The following CTNNA3 variants were observed in gnomAD, a reference collection of about 807,000 sequenced individuals.
CTNNA3 encodes catenin alpha-3.
CTNNA3 carries 76 observed loss-of-function variants against 95.7 expected under a neutral mutation model. That is an observed-to-expected ratio of 0.79 (90% CI 0.66 to 0.96). The LOEUF is 0.96. Among genes scored for constraint, CTNNA3 ranks in the 40% least tolerant of loss-of-function variants. The pLI is 0.00. For missense variants in CTNNA3, 1,191 were observed against 1,089.8 expected (o/e 1.09, Z -1.31); for synonymous variants, 431 against 374.4 (o/e 1.15, Z -1.74).
At chr10:66,324,741 C>G (rs2092232870) in intron 12 of CTNNA3, among the ~76,000 whole-genome samples, 1 of 152,016 alleles carries the variant, frequency 6.6e-6, no homozygotes, top group Non-Finnish European at 1.5e-5. Context: ...CTCTGAGAAG[C>G]CATCATTTAA....
In CTNNA3 at chr10:66,893,112, C is replaced by T. The variant is rs370797089; in HGVS notation, c.1048-117588G>A. On this transcript the variant is annotated intron_variant, in intron 7 of 17. Transcript: ENST00000433211. ...TATATTTATAAATGATCTTAGCTCACGAAGCCATGGCATTAAATTTACATT... is the reference window on the plus strand; with the variant it reads ...TATATTTATAAATGATCTTAGCTCATGAAGCCATGGCATTAAATTTACATT... 1.4e-4 allele frequency among the ~76,000 whole-genome samples: 21 copies of T among 152,122 alleles called. No individual in the cohort carries two copies. The East Asian group carries it at 1.7e-3, about 13-fold the overall frequency.
chr10:66,769,905 TC>T (rs1437368554), intron 8 of CTNNA3, among the ~76,000 whole-genome samples: 1 of 152,182 alleles, frequency 6.6e-6, no homozygotes, highest in Non-Finnish European at 1.5e-5. Context: ...AGGAATCACC[TC>T]CTAAATAAAT....
chr10:67,485,074 C>T (rs1848391300), intron 5 of CTNNA3, among the ~76,000 whole-genome samples: 1 of 152,128 alleles, frequency 6.6e-6, no homozygotes, highest in Admixed American at 6.6e-5. Context: ...ACATAGATGC[C>T]CATCAGTGGT....
chr10:66,163,123 C>T lies in CTNNA3; in HGVS notation c.1885-59874G>A, dbSNP rs901073973. Among the ~76,000 whole-genome samples, 6 of 152,186 alleles carry T rather than the reference C, an allele frequency of 3.9e-5. 1 individual carries two copies. Among genetic ancestry groups the T allele is most frequent in the Non-Finnish European group, 8.8e-5 (6 of 68,032 alleles). ...GCGAGATGGGCTTGAAAACTTGCCCCAGGCTACCTGCCTTTCAGCTATGAA... is the reference window on the plus strand; with the variant it reads ...GCGAGATGGGCTTGAAAACTTGCCCTAGGCTACCTGCCTTTCAGCTATGAA... On this transcript the variant is annotated intron_variant, in intron 13 of 17. Coordinates refer to ENST00000433211, the MANE Select transcript of CTNNA3 (RefSeq NM_013266.4).
intron 3 of CTNNA3, among the ~76,000 whole-genome samples, chr10:67,574,050 A>G (rs1370947203): frequency 6.6e-6 from 1 of 152,200 alleles, no homozygotes; most frequent in African/African-American, 2.4e-5. Flanking sequence ...GATCTATAAA[A>G]ATTTTAGATC....
chr10:67,048,296 G>A lies in CTNNA3; in HGVS notation c.1047+132021C>T, dbSNP rs532558763. On this transcript the variant is annotated intron_variant, in intron 7 of 17. Coordinates refer to ENST00000433211, the MANE Select transcript of CTNNA3 (RefSeq NM_013266.4). ...AGCATATCAAGGAATATTGTTAAAC[G>A]TATTTAAAAGCCAGTCTGTGATTTT... 4.6e-5 allele frequency among the ~76,000 whole-genome samples: 7 copies of A among 152,052 alleles called. No individual in the cohort carries two copies. The South Asian group carries it at 8.3e-4, about 18-fold the overall frequency.
rs150530995 is a variant in CTNNA3, at chr10:67,156,950, A to G, written c.1047+23367T>C. Among the ~76,000 whole-genome samples, 10 of 152,240 alleles carry G rather than the reference A, an allele frequency of 6.6e-5. No individual in the cohort carries two copies. The East Asian group carries it at 1.9e-3, about 29-fold the overall frequency. ...TCAGTTCTGTTAATATTTGCTTTAC[A>G]TACTTAGGTGCTCTGATGTTGGGTA... On this transcript the variant is annotated intron_variant, in intron 7 of 17. Transcript: ENST00000433211.
chr10:67,719,134 G>C, intron 1 of CTNNA3, among the ~76,000 whole-genome samples: 1 of 152,076 alleles, frequency 6.6e-6, no homozygotes, highest in Admixed American at 6.5e-5. Context: ...GTATTTCTGT[G>C]GGATCAGTGG....
At chr10:66,310,000 T>A (rs1328604379) in intron 12 of CTNNA3, among the ~76,000 whole-genome samples, 1 of 151,178 alleles carries the variant, frequency 6.6e-6, no homozygotes, top group Non-Finnish European at 1.5e-5. Flanking sequence ...GGTGAGAGCC[T>A]GTAATCCCAG....
At chr10:66,611,707 T>A (rs942013988) in intron 10 of CTNNA3, among the ~76,000 whole-genome samples, 1 of 152,150 alleles carries the variant, frequency 6.6e-6, no homozygotes, top group South Asian at 2.1e-4. Context: ...AGTATCTGTC[T>A]TTGCTGATCA....
intron 2 of CTNNA3, among the ~76,000 whole-genome samples, chr10:67,631,354 T>C (rs1839138355): frequency 6.6e-6 from 1 of 152,088 alleles, no homozygotes; most frequent in African/African-American, 2.4e-5. Flanking sequence ...AAGAATTTGG[T>C]AACCATAAAA....
chr10:67,237,171 T>C (rs866393189), intron 5 of CTNNA3, among the ~76,000 whole-genome samples: 2,792 of 115,150 alleles, frequency 0.024, 146 homozygotes, highest in South Asian at 0.082. Context: ...TATATATATA[T>C]ATACACACAC....
intron 11 of CTNNA3, among the ~76,000 whole-genome samples, chr10:66,440,135 C>T (rs573828230): frequency 2.0e-5 from 3 of 152,162 alleles, no homozygotes; most frequent in African/African-American, 4.8e-5. Flanking sequence ...GTTCACATAG[C>T]TTTTGCAATT....
intron 5 of CTNNA3, among the ~76,000 whole-genome samples, chr10:67,304,244 T>G (rs892631072): frequency 6.6e-6 from 1 of 152,224 alleles, no homozygotes; most frequent in African/African-American, 2.4e-5. Context: ...ATTCAGAATT[T>G]GTCTGAATGT....
At chr10:66,920,132 C>A (rs543049457) in intron 7 of CTNNA3, among the ~76,000 whole-genome samples, 4 of 152,110 alleles carry the variant, frequency 2.6e-5, no homozygotes, top group African/African-American at 7.2e-5. Flanking sequence ...GGCCACAGAA[C>A]CTATACAGAA....
chr10:65,990,744 T>C (rs1017229983), intron 15 of CTNNA3, among the ~76,000 whole-genome samples: 1 of 151,958 alleles, frequency 6.6e-6, no homozygotes, highest in Non-Finnish European at 1.5e-5. Flanking sequence ...ATTATTTCTT[T>C]TGATGTGCAG....
intron 5 of CTNNA3, among the ~76,000 whole-genome samples, chr10:67,305,363 A>AT (rs755074311): frequency 6.6e-5 from 8 of 121,222 alleles, no homozygotes; most frequent in Non-Finnish European, 1.2e-4. Flanking sequence ...TTAGAGTATA[A>AT]TAAAAAAAAA....
At chr10:66,015,921 T>C (rs1276848402) in intron 15 of CTNNA3, among the ~76,000 whole-genome samples, 1 of 152,184 alleles carries the variant, frequency 6.6e-6, no homozygotes, top group Non-Finnish European at 1.5e-5. Context: ...TTAGCAAGTA[T>C]GATACTAAAT....
chr10:66,171,112 G>A (rs534245600), intron 13 of CTNNA3, among the ~76,000 whole-genome samples: 111 of 152,056 alleles, frequency 7.3e-4, no homozygotes, highest in Admixed American at 1.7e-3. Context: ...CAACCTGGGC[G>A]ACAGAGGAAG....
Sources: allele counts gnomAD v4.1 joint callset (sites outside exome capture counted in the v4.1 genomes callset), GRCh38; gene constraint gnomAD v4.1.1; transcripts MANE v1.5; gene names NCBI Gene and HGNC (gene_info 2026-07-23, HGNC 2026-07-21).